AKIP1: variants seen among roughly 807,000 people sequenced by gnomAD.
AKIP1 encodes A-kinase interacting protein 1, also known as A-kinase-interacting protein 1.
In AKIP1, 18 loss-of-function variants were observed where a neutral mutation model predicts 22.3. The observed-to-expected ratio is 0.81, with a 90% CI of 0.56 to 1.19. The LOEUF is 1.19. Among genes scored for constraint, AKIP1 ranks in the 50% most tolerant of loss-of-function variants. AKIP1 has a pLI of 0.00. For missense variants in AKIP1, 287 were observed against 264.6 expected, an observed-to-expected ratio of 1.08 and a Z score of -0.59; for synonymous variants, 120 against 102.7, an observed-to-expected ratio of 1.17 and a Z score of -1.02.
rs994603289 is a variant in AKIP1, at chr11:8,919,596, T to C, written c.*116T>C. The C allele has an allele frequency of 1.7e-5, 20 of 1,155,826 alleles. No homozygotes were observed. The African/African-American group carries it at 3.1e-4, about 18-fold the overall frequency. The allele number at this position is 1,155,826 out of a possible 1,614,324, so 71.6% of individuals were successfully genotyped here. ...GTTTTTAGTGCTGACTGGGTCAGCCTTCCGGGAACTGGAGTCTGTCTCTTT... is the reference window on the plus strand; with the variant it reads ...GTTTTTAGTGCTGACTGGGTCAGCCCTCCGGGAACTGGAGTCTGTCTCTTT... On this transcript the variant is annotated 3_prime_UTR_variant, in exon 6 of 6. Transcript: ENST00000309377.
At position 8,911,227 on chromosome 11, in the gene AKIP1, AGGG is replaced by A; in HGVS notation, c.-7+7_-7+9del. 1.8e-6 allele frequency: 1 copy of A among 557,854 alleles called. No homozygotes were observed. The allele number at this position is 557,854 out of a possible 1,614,324, so 34.6% of individuals were successfully genotyped here. On this transcript the variant is annotated splice_donor_5th_base_variant and intron_variant, in intron 1 of 5. Transcript: ENST00000309377. Reference sequence around the variant, plus strand: ...TGCGCCTTGACGAGTGAGCCGGGTGAGGGGGCTCCCTAAGTAGCGGAAGGGGTA... The same window carrying A: ...TGCGCCTTGACGAGTGAGCCGGGTGAGGCTCCCTAAGTAGCGGAAGGGGTA...
rs762942429 is a variant in AKIP1, at chr11:8,919,321, C to T, written c.490-16C>T. Reference sequence around the variant, plus strand: ...TATAAAATCTCTAAACTGCTAATATCCTCTTTTCCTTCTAGGCTGAGAACA... The same window carrying T: ...TATAAAATCTCTAAACTGCTAATATTCTCTTTTCCTTCTAGGCTGAGAACA... On this transcript the variant is annotated splice_polypyrimidine_tract_variant and intron_variant, in intron 5 of 5. Transcript: ENST00000309377. 1 of 1,608,810 alleles carries T rather than the reference C, an allele frequency of 6.2e-7. No homozygotes were observed. Among genetic ancestry groups the T allele is most frequent in the South Asian group, 1.1e-5 (1 of 89,872 alleles).
At chr11:8,911,734 A>G (rs1161340686) in intron 2 of AKIP1, 63 bp downstream of exon 2, 2 of 1,421,966 alleles carry the variant, frequency 1.4e-6, no homozygotes, top group South Asian at 3.0e-5. Context: ...GCTGGGAGCC[A>G]GGGGTGCGCA....
At chr11:8,913,168 C>T (rs756564425) in intron 3 of AKIP1, among the ~76,000 whole-genome samples, 40 of 149,056 alleles carry the variant, frequency 2.7e-4, no homozygotes, top group Non-Finnish European at 4.9e-4. Context: ...TGTGAGCCAC[C>T]GTGCCCGACC....
At chr11:8,912,605 A>G in intron 3 of AKIP1, 72 bp downstream of exon 3, 1 of 1,383,746 alleles carries the variant, frequency 7.2e-7, no homozygotes, top group Non-Finnish European at 1.0e-6. Flanking sequence ...TCTGGAATTT[A>G]CGGAGAATCT....
intron 3 of AKIP1, among the ~76,000 whole-genome samples, chr11:8,913,208 T>C (rs1361365695): frequency 8.1e-6 from 1 of 123,246 alleles, no homozygotes; most frequent in Admixed American, 9.2e-5. Context: ...TGAGACAGAG[T>C]CTCACTCCAT....
chr11:8,911,444 G>C lies in AKIP1; in HGVS notation c.-6G>C, dbSNP rs893261543. 6.3e-7 allele frequency: 1 copy of C among 1,584,964 alleles called. No homozygotes were observed. The highest frequency in any genetic ancestry group is 8.6e-7 in the Non-Finnish European group (1 of 1,165,854). Reference sequence around the variant, plus strand: ...GTTTGTACGTTGTGTGCCCACTCAGGGAGCCATGGACAACTGTTTGGCGGC... The same window carrying C: ...GTTTGTACGTTGTGTGCCCACTCAGCGAGCCATGGACAACTGTTTGGCGGC... On this transcript the variant is annotated splice_region_variant and 5_prime_UTR_variant, in exon 2 of 6. Transcript: ENST00000309377.
chr11:8,911,441 CAG>C lies in AKIP1; in HGVS notation c.-6-2_-6-1del, dbSNP rs755735471. Reference sequence around the variant, plus strand: ...GGCGTTTGTACGTTGTGTGCCCACTCAGGGAGCCATGGACAACTGTTTGGCGG... The same window carrying C: ...GGCGTTTGTACGTTGTGTGCCCACTCGGAGCCATGGACAACTGTTTGGCGG... On this transcript the variant is annotated splice_acceptor_variant, in intron 1 of 5. Coordinates refer to ENST00000309377, the MANE Select transcript of AKIP1 (RefSeq NM_020642.4). LOFTEE classifies it low-confidence loss of function (5UTR_SPLICE). The C allele has an allele frequency of 1.2e-4, 186 of 1,581,504 alleles. No homozygotes were observed. In the African/African-American group the frequency reaches 2.2e-3, roughly 18 times the overall value.
At chr11:8,917,395 G>A in intron 5 of AKIP1, 28 bp downstream of exon 5, 5 of 1,561,166 alleles carry the variant, frequency 3.2e-6, no homozygotes, top group Non-Finnish European at 4.4e-6. Flanking sequence ...TACGCACTGG[G>A]TTTCACCACC....
intron 1 of AKIP1, 107 bp downstream of exon 1, chr11:8,911,330 A>G (rs1160748798): frequency 3.2e-6 from 3 of 923,726 alleles, no homozygotes; most frequent in East Asian, 2.6e-5. Context: ...TTGGGGGCGG[A>G]CCAGGAGCGG....
At chr11:8,917,600 G>C (rs916553857) in intron 5 of AKIP1, 1 of 540,708 alleles carries the variant, frequency 1.8e-6, no homozygotes, top group South Asian at 2.9e-5. Context: ...ACTCATAGTT[G>C]TGGTTGGAAA....
Position 8,919,595 on chromosome 11 carries a change from C to A in AKIP1, c.*115C>A. On this transcript the variant is annotated 3_prime_UTR_variant, in exon 6 of 6. Coordinates refer to ENST00000309377, the MANE Select transcript of AKIP1 (RefSeq NM_020642.4). ...TGTTTTTAGTGCTGACTGGGTCAGC[C>A]TTCCGGGAACTGGAGTCTGTCTCTT... is the stretch of plus-strand genomic sequence containing the variant. The A allele has an allele frequency of 8.7e-7, 1 of 1,149,684 alleles. No individual in the cohort carries two copies. Among genetic ancestry groups the A allele is most frequent in the Non-Finnish European group, 1.2e-6 (1 of 806,810 alleles). The allele number at this position is 1,149,684 out of a possible 1,614,324, so 71.2% of individuals were successfully genotyped here.
chr11:8,911,803 G>T (rs2064360980), intron 2 of AKIP1, 132 bp downstream of exon 2: 1 of 893,492 alleles, frequency 1.1e-6, no homozygotes, highest in Non-Finnish European at 1.6e-6. Flanking sequence ...TCAGAACAAT[G>T]AATGGAAAAG....
At chr11:8,912,054 G>A (rs540301980) in intron 2 of AKIP1, among the ~76,000 whole-genome samples, 1 of 151,838 alleles carries the variant, frequency 6.6e-6, no homozygotes, top group Admixed American at 6.6e-5. Context: ...AAAATTAGCC[G>A]GGCGTGGTGG....
At position 8,919,532 on chromosome 11, in the gene AKIP1, G is replaced by A. The variant is rs75320442; in HGVS notation, c.*52G>A. The A allele has an allele frequency of 0.031, 48,578 of 1,581,576 alleles. 874 individuals are homozygous for A. Among genetic ancestry groups the A allele is most frequent in the Non-Finnish European group, 0.036 (41,875 of 1,159,306 alleles). Reference sequence around the variant, plus strand: ...CCTTTTTTTAAGTAGTAAGAATAAAGCCACTGTATGATTCTCTTAATAGCT... The same window carrying A: ...CCTTTTTTTAAGTAGTAAGAATAAAACCACTGTATGATTCTCTTAATAGCT... On this transcript the variant is annotated 3_prime_UTR_variant, in exon 6 of 6. Coordinates refer to ENST00000309377, the MANE Select transcript of AKIP1 (RefSeq NM_020642.4).
intron 5 of AKIP1, 117 bp downstream of exon 5, chr11:8,917,484 G>T: frequency 1.2e-6 from 1 of 820,718 alleles, no homozygotes; most frequent in Non-Finnish European, 2.1e-6. Flanking sequence ...AAGTTGAGAT[G>T]TTCTTACACT....
intron 2 of AKIP1, among the ~76,000 whole-genome samples, chr11:8,911,918 C>A (rs1174374597): frequency 6.8e-6 from 1 of 147,370 alleles, no homozygotes; most frequent in African/African-American, 2.5e-5. Context: ...AAAAAATTAG[C>A]CGGGCGCGGT....
At position 8,919,371 on chromosome 11, in the gene AKIP1, T is replaced by C. The variant is rs2134823541; in HGVS notation, c.524T>C (p.Val175Ala). The change falls in exon 6 of 6, where the codon GTA becomes GCA. Residue 175 changes from valine (V) to alanine (A), a missense_variant. Transcript: ENST00000309377. ...ENISKDLYIE[V>A]YPGTYSVTVG... ...ATCTCTAAGGACCTCTACATAGAAG[T>C]ATATCCAGGGACCTATTCTGTCACT... The C allele has an allele frequency of 6.2e-7, 1 of 1,614,114 alleles. No individual in the cohort carries two copies. The highest frequency in any genetic ancestry group is 1.3e-5 in the African/African-American group (1 of 75,046).
chr11:8,911,977 C>T (rs1403626644), intron 2 of AKIP1, among the ~76,000 whole-genome samples: 2 of 151,552 alleles, frequency 1.3e-5, no homozygotes, highest in African/African-American at 4.8e-5. Context: ...GCGGGCGGAT[C>T]ACCTGAGGTC....
Sources: gnomAD v4.1 joint callset for allele counts (sites outside exome capture counted in the v4.1 genomes callset) on GRCh38, gnomAD v4.1.1 for gene constraint, MANE v1.5 for transcripts, NCBI Gene and HGNC (gene_info 2026-07-23, HGNC 2026-07-21) for gene names.